PCDHGA10: variants seen among roughly 807,000 people sequenced by gnomAD.
PCDHGA10 encodes the protein protocadherin gamma subfamily A, 10.
A neutral mutation model predicts 59.5 loss-of-function variants in PCDHGA10; 42 were observed. The ratio of observed to expected loss-of-function variants is 0.71; its 90% CI spans 0.55 to 0.91. The LOEUF is 0.91. PCDHGA10 is among the 40% of genes least tolerant of loss of function. The pLI is 0.00. For missense variants in PCDHGA10, 1,111 were observed against 1,198.2 expected, an observed-to-expected ratio of 0.93 and a Z score of 1.07; for synonymous variants, 511 against 517.2, an observed-to-expected ratio of 0.99 and a Z score of 0.16.
intron 1 of PCDHGA10, among the ~76,000 whole-genome samples, chr5:141,463,124 T>C (rs2099053100): frequency 6.6e-6 from 1 of 152,174 alleles, no homozygotes; most frequent in African/African-American, 2.4e-5. Context: ...AATAGCTCCC[T>C]GGCAGTTCTT....
intron 1 of PCDHGA10, among the ~76,000 whole-genome samples, chr5:141,457,124 ACT>A (rs1304231701): frequency 6.6e-6 from 1 of 152,158 alleles, no homozygotes; most frequent in Non-Finnish European, 1.5e-5. Context: ...AGCAATGGAA[ACT>A]CTGTCCAATA....
Position 141,434,451 on chromosome 5 carries a change from A to T in PCDHGA10, c.2436+18840A>T, listed in dbSNP as rs145324240. 3.9e-3 allele frequency among the ~76,000 whole-genome samples: 589 copies of T among 152,326 alleles called. 6 individuals carry two copies. The highest frequency in any genetic ancestry group is 0.011 in the Admixed American group (170 of 15,298). ...GGCCGTAATGCCCATGCTGGAAGGTAGTGGGTTTACCGGAATGAGGGCAAG... is the reference window on the plus strand; with the variant it reads ...GGCCGTAATGCCCATGCTGGAAGGTTGTGGGTTTACCGGAATGAGGGCAAG... On this transcript the variant is annotated intron_variant, in intron 1 of 3. Transcript: ENST00000398610.
chr5:141,422,677 C>G, intron 1 of PCDHGA10: 1 of 1,606,186 alleles, frequency 6.2e-7, no homozygotes, highest in Non-Finnish European at 8.5e-7. Context: ...GGACAGCAAA[C>G]AGAATGCCCT....
chr5:141,484,805 A>G (rs1594417928), intron 1 of PCDHGA10, among the ~76,000 whole-genome samples: 1 of 151,896 alleles, frequency 6.6e-6, no homozygotes, highest in East Asian at 1.9e-4. Context: ...CCGTGGAAAA[A>G]CATGCCGTTG....
rs1202920204 is a variant in PCDHGA10, at chr5:141,415,540, T to C, written c.2365T>C (p.Cys789Arg). The C allele has an allele frequency of 5.6e-6, 9 of 1,614,184 alleles. No individual in the cohort carries two copies. The highest frequency in any genetic ancestry group is 7.6e-6 in the Non-Finnish European group (9 of 1,180,040). Residue 789 changes from cysteine to arginine, a missense_variant, in exon 1 of 4, where the codon TGT (cysteine) becomes CGT (arginine). By Grantham distance (180) the Cys-to-Arg change is radical. Transcript: ENST00000398610. ...GGACACGCTCATCAGCCAGGAGAGC[T>C]GTGAGAAAAACGATCCTTTGTCTTT... ...YADTLISQES[C>R]EKNDPLSLLD...
chr5:141,497,512 T>C (rs903352739), intron 2 of PCDHGA10, among the ~76,000 whole-genome samples: 2 of 151,896 alleles, frequency 1.3e-5, no homozygotes, highest in Admixed American at 1.3e-4. Flanking sequence ...TCTGCTTCCT[T>C]AGTTAACTTG....
At chr5:141,498,231 A>T (rs1213697084) in intron 2 of PCDHGA10, among the ~76,000 whole-genome samples, 1 of 152,268 alleles carries the variant, frequency 6.6e-6, no homozygotes, top group East Asian at 1.9e-4. Flanking sequence ...ATGGTCAGGC[A>T]TACCAGCTTC....
rs1028782991 is a variant in PCDHGA10, at chr5:141,503,926, C to T, written c.2496-1467C>T. 2.6e-5 allele frequency among the ~76,000 whole-genome samples: 4 copies of T among 152,196 alleles called. No individual in the cohort carries two copies. The East Asian group carries it at 7.7e-4, about 29-fold the overall frequency. ...ACACACAACGCAACACACACACAGA[C>T]ATTTTCATGCCTTCAAGGCCTACCC... On this transcript the variant is annotated intron_variant, in intron 2 of 3. Coordinates refer to ENST00000398610, the MANE Select transcript of PCDHGA10 (RefSeq NM_018913.3).
chr5:141,418,314 C>T, intron 1 of PCDHGA10: 1 of 1,613,988 alleles, frequency 6.2e-7, no homozygotes. Context: ...GGGATGGGAA[C>T]AATTCTTGAG....
intron 1 of PCDHGA10, among the ~76,000 whole-genome samples, chr5:141,452,745 G>A (rs1246578948): frequency 6.6e-6 from 1 of 152,054 alleles, no homozygotes; most frequent in African/African-American, 2.4e-5. Flanking sequence ...AGAGAGAGAA[G>A]GAAGAAGGAA....
intron 3 of PCDHGA10, among the ~76,000 whole-genome samples, chr5:141,507,571 G>A (rs2099861692): frequency 6.6e-6 from 1 of 152,254 alleles, no homozygotes; most frequent in Non-Finnish European, 1.5e-5. Flanking sequence ...TGGGTCTGAG[G>A]AGATGCCAAG....
rs373286702 is a variant in PCDHGA10, at chr5:141,421,190, A to T, written c.2436+5579A>T. ...TACATAAGCCGATTCACAACCAACC[A>T]GCTCGAGAAACCGCGGAATATCGGC... On this transcript the variant is annotated intron_variant, in intron 1 of 3. Transcript: ENST00000398610. The T allele has an allele frequency of 4.7e-6, 7 of 1,480,168 alleles. No homozygotes were observed. The South Asian group carries it at 9.4e-5, about 20-fold the overall frequency. 91.7% of individuals were successfully genotyped at this position (1,480,168 alleles called of 1,614,324 possible).
intron 1 of PCDHGA10, among the ~76,000 whole-genome samples, chr5:141,460,173 A>C (rs2098983888): frequency 6.6e-6 from 1 of 152,004 alleles, no homozygotes; most frequent in Admixed American, 6.6e-5. Flanking sequence ...TATTTTGTGG[A>C]TATTTTATCC....
intron 1 of PCDHGA10, among the ~76,000 whole-genome samples, chr5:141,445,787 T>C (rs2098477657): frequency 1.3e-5 from 2 of 152,182 alleles, no homozygotes; most frequent in South Asian, 4.1e-4. Context: ...CTAGGGAGGC[T>C]AGAAACAGAA....
chr5:141,420,135 A>T (rs2096469364), intron 1 of PCDHGA10: 1 of 1,614,026 alleles, frequency 6.2e-7, no homozygotes. Flanking sequence ...GTGCCTGGGG[A>T]TCAAATGAAT....
chr5:141,490,736 A>G lies in PCDHGA10; in HGVS notation c.2437-4071A>G, dbSNP rs747567176. The G allele has an allele frequency of 5.0e-6, 8 of 1,614,084 alleles. No individual in the cohort carries two copies. Among genetic ancestry groups the G allele is most frequent in the Non-Finnish European group, 6.8e-6 (8 of 1,180,034 alleles). On this transcript the variant is annotated intron_variant, in intron 1 of 3. Transcript: ENST00000398610. This position sits in a 1 kb window ranked among gnomAD's most constrained non-coding sequence, Gnocchi z 5.4. The stretch of plus-strand genomic sequence containing the variant: ...TACTCCATTGTAGGAAATCAGGTTC[A>G]GGGAGCCCCAGCCTCCTCCTTTGTG...
chr5:141,438,579 CATACATACATACATATAT>C (rs1303045573), intron 1 of PCDHGA10, among the ~76,000 whole-genome samples: 21 of 55,772 alleles, frequency 3.8e-4, no homozygotes, highest in Admixed American at 1.1e-3. Context: ...GATATACATA[CATACATACATACATATAT>C]ATATATATAT....
intron 1 of PCDHGA10, chr5:141,421,565 A>T (rs1373619696): frequency 1.2e-6 from 2 of 1,613,834 alleles, no homozygotes; most frequent in Admixed American, 3.3e-5. Context: ...CTCGTGGAAG[A>T]CACCTTGAAG....
chr5:141,480,414 CA>C (rs10712552), intron 1 of PCDHGA10, among the ~76,000 whole-genome samples: 43,347 of 147,074 alleles, frequency 0.29, 6,620 homozygotes, highest in African/African-American at 0.4. Flanking sequence ...GACCCTGTCT[CA>C]AAAAAAAAAA....
Sources: gnomAD v4.1 joint callset for allele counts (sites outside exome capture counted in the v4.1 genomes callset) on GRCh38, gnomAD v4.1.1 for gene constraint, Gnocchi (gnomAD v3.1) non-coding constraint, MANE v1.5 for transcripts, NCBI Gene and HGNC (gene_info 2026-07-23, HGNC 2026-07-21) for gene names.